PITPNM2: variants seen among roughly 807,000 people sequenced by gnomAD.
PITPNM2 encodes phosphatidylinositol transfer protein membrane associated 2.
Under a neutral mutation model 132.2 loss-of-function variants are expected in PITPNM2, and 35 were observed. That is an observed-to-expected ratio of 0.26 (90% CI 0.20 to 0.35). PITPNM2 has a LOEUF of 0.35. PITPNM2 is among the 10% of genes least tolerant of loss of function. PITPNM2 has a pLI of 1.00. For synonymous variants in PITPNM2, 738 were observed against 799.2 expected (o/e 0.92, Z 1.29); for missense variants, 1,332 against 1,912.0 (o/e 0.70, Z 5.66).
At chr12:123,037,480 G>A (rs2040313547) in intron 2 of PITPNM2, among the ~76,000 whole-genome samples, 1 of 152,212 alleles carries the variant, frequency 6.6e-6, no homozygotes, top group Non-Finnish European at 1.5e-5. Context: ...CTCCGCCTCT[G>A]TGGGGCCTCA....
Position 122,992,032 on chromosome 12 carries a change from A to C in PITPNM2, c.2404+467T>G. The stretch of plus-strand genomic sequence containing the variant: ...AAGACGCTGGGACACACGCTGGGGC[A>C]GGGGTCGGGCCAAGCCTACCTGGAC... On this transcript the variant is annotated intron_variant, in intron 16 of 25. Coordinates refer to ENST00000320201, the MANE Select transcript of PITPNM2 (RefSeq NM_020845.3). This position sits in a 1 kb window ranked among gnomAD's most constrained non-coding sequence, Gnocchi z 6.5. 1 of 857,826 alleles carries C rather than the reference A, an allele frequency of 1.2e-6. No individual in the cohort carries two copies. Among genetic ancestry groups the C allele is most frequent in the South Asian group, 5.8e-5 (1 of 17,308 alleles). 53.1% of individuals were successfully genotyped at this position (857,826 alleles called of 1,614,324 possible). A position where few individuals can be genotyped will look rare whatever the true frequency, so the allele number is the denominator to read the frequency against.
chr12:123,115,952 T>C (rs113218033), intron 1 of PITPNM2, among the ~76,000 whole-genome samples: 158 of 152,350 alleles, frequency 1.0e-3, no homozygotes, highest in Middle Eastern at 6.8e-3. Flanking sequence ...GGAACCTGGA[T>C]ATTCCAGAGG....
intron 5 of PITPNM2, among the ~76,000 whole-genome samples, chr12:123,010,347 G>A (rs1453822804): frequency 2.0e-5 from 3 of 152,178 alleles, no homozygotes; most frequent in Non-Finnish European, 4.4e-5. Flanking sequence ...GCCTCTCAAA[G>A]TGCTGAGATT....
At chr12:123,114,357 G>C (rs1186091323) in intron 1 of PITPNM2, among the ~76,000 whole-genome samples, 1 of 151,672 alleles carries the variant, frequency 6.6e-6, no homozygotes, top group Admixed American at 6.6e-5. Context: ...CCAGCACCCA[G>C]TTCCCTGCCC....
intron 2 of PITPNM2, among the ~76,000 whole-genome samples, chr12:123,037,127 C>G (rs1489399294): frequency 6.6e-6 from 1 of 152,204 alleles, no homozygotes; most frequent in Non-Finnish European, 1.5e-5. Context: ...GCCCTACAGT[C>G]CCCAGGCTGC....
chr12:123,059,070 G>A (rs1344509579), intron 2 of PITPNM2, among the ~76,000 whole-genome samples: 1 of 152,238 alleles, frequency 6.6e-6, no homozygotes, highest in Non-Finnish European at 1.5e-5. Context: ...CTTAGGAGAG[G>A]CACAGCTGTG....
Position 123,139,276 on chromosome 12 carries a change from G to A in PITPNM2, c.-200+11477C>T, listed in dbSNP as rs568150300. ...AGCACTTTGGGAGGCCGAGGCAGGC[G>A]GATCACAAGGTCAGGAGATGGAGAC... On this transcript the variant is annotated intron_variant, in intron 1 of 25. Coordinates refer to ENST00000320201, the MANE Select transcript of PITPNM2 (RefSeq NM_020845.3). Among the ~76,000 whole-genome samples the A allele has an allele frequency of 5.5e-4, 83 of 152,126 alleles. 1 individual carries two copies. Among genetic ancestry groups the A allele is most frequent in the African/African-American group, 1.9e-3 (79 of 41,476 alleles).
intron 1 of PITPNM2, among the ~76,000 whole-genome samples, chr12:123,136,238 C>T (rs574838066): frequency 6.6e-6 from 1 of 151,736 alleles, no homozygotes; most frequent in South Asian, 2.1e-4. Context: ...GGAGGCAGAG[C>T]TTGCAGTGAG....
At position 123,042,441 on chromosome 12, in the gene PITPNM2, G is replaced by A. The variant is rs116553073; in HGVS notation, c.-95-7756C>T. On this transcript the variant is annotated intron_variant, in intron 2 of 25. Coordinates refer to ENST00000320201, the MANE Select transcript of PITPNM2 (RefSeq NM_020845.3). ...TTAATCTGTTTTTCCATGATTAGCA[G>A]GGGTCTGACGTCACAGATGGAATTT... Among the ~76,000 whole-genome samples, 271 of 152,288 alleles carry A rather than the reference G, an allele frequency of 1.8e-3. 2 individuals carry two copies. The highest frequency in any genetic ancestry group is 6.4e-3 in the African/African-American group (267 of 41,552).
chr12:122,990,381 A>G (rs1594120779), intron 17 of PITPNM2, among the ~76,000 whole-genome samples, 164 bp downstream of exon 17: 1 of 152,196 alleles, frequency 6.6e-6, no homozygotes, highest in South Asian at 2.1e-4. Context: ...TGGCCCGGGC[A>G]CTGCAGGTGC....
chr12:123,115,729 C>T (rs2042926143), intron 1 of PITPNM2, among the ~76,000 whole-genome samples: 1 of 151,768 alleles, frequency 6.6e-6, no homozygotes, highest in Admixed American at 6.6e-5. Context: ...GAGGGAGAGG[C>T]AGCACCCCCA....
At chr12:123,003,306 G>A (rs2038779529) in intron 8 of PITPNM2, among the ~76,000 whole-genome samples, 1 of 152,136 alleles carries the variant, frequency 6.6e-6, no homozygotes, top group East Asian at 1.9e-4. Flanking sequence ...TGGGCTCCTG[G>A]GCCCATTTCC....
rs61274833 is a variant in PITPNM2 at position 123,057,380 on chromosome 12, CAA to C, written c.-95-22697_-95-22696del. Among the ~76,000 whole-genome samples, 248 of 92,152 alleles carry C rather than the reference CAA, an allele frequency of 2.7e-3. 2 individuals carry two copies. Among genetic ancestry groups the C allele is most frequent in the African/African-American group, 6.8e-3 (196 of 28,724 alleles). The allele number at this position is 92,152 out of a possible 152,430, so 60.5% of individuals were successfully genotyped here. On this transcript the variant is annotated intron_variant, in intron 2 of 25. Transcript: ENST00000320201. ...GGGCAACAAGAGCAAAACTCTATCT[CAA>C]AAAAAAAAAAAAAAAAATTTAAATT...
At chr12:123,131,471 G>C (rs1012016721) in intron 1 of PITPNM2, among the ~76,000 whole-genome samples, 2 of 152,204 alleles carry the variant, frequency 1.3e-5, no homozygotes, top group Admixed American at 1.3e-4. Flanking sequence ...TACTGTTAGA[G>C]AATACATTTT....
At chr12:123,105,962 G>A (rs1430677277) in intron 2 of PITPNM2, among the ~76,000 whole-genome samples, 1 of 152,178 alleles carries the variant, frequency 6.6e-6, no homozygotes, top group East Asian at 1.9e-4. Context: ...GGTAGGCCAG[G>A]CCAGCTTCCT....
At chr12:123,138,613 T>C (rs2043434023) in intron 1 of PITPNM2, among the ~76,000 whole-genome samples, 2 of 152,252 alleles carry the variant, frequency 1.3e-5, no homozygotes, top group South Asian at 2.1e-4. Flanking sequence ...AATATAAATA[T>C]GAAATGTTCA....
chr12:123,013,744 A>AC, intron 4 of PITPNM2, 84 bp downstream of exon 4: 1 of 1,435,092 alleles, frequency 7.0e-7, no homozygotes, highest in South Asian at 1.2e-5. Context: ...GGCTGATCCC[A>AC]TCCCCTGGAT....
chr12:123,053,760 G>A (rs2040936214), intron 2 of PITPNM2, among the ~76,000 whole-genome samples: 2 of 152,040 alleles, frequency 1.3e-5, no homozygotes, highest in Non-Finnish European at 2.9e-5. Flanking sequence ...TAGAGATGGG[G>A]TTTCTGCATA....
chr12:123,098,995 T>G (rs2042481925), intron 2 of PITPNM2, among the ~76,000 whole-genome samples: 1 of 152,162 alleles, frequency 6.6e-6, no homozygotes, highest in Non-Finnish European at 1.5e-5. Flanking sequence ...AAATGCTCCC[T>G]CTTGTATGAA....
Sources: gnomAD v4.1 joint callset for allele counts (sites outside exome capture counted in the v4.1 genomes callset) on GRCh38, gnomAD v4.1.1 for gene constraint, Gnocchi (gnomAD v3.1) non-coding constraint, MANE v1.5 for transcripts, NCBI Gene and HGNC (gene_info 2026-07-23, HGNC 2026-07-21) for gene names.